Variants in NWD1 observed in about 807,000 individuals in gnomAD.
The protein encoded by NWD1 is NACHT domain- and WD repeat-containing protein 1.
Under a neutral mutation model 135.1 loss-of-function variants are expected in NWD1, and 129 were observed. The ratio of observed to expected loss-of-function variants is 0.96; its 90% CI spans 0.83 to 1.11. The LOEUF is 1.11. NWD1 is among the 50% of genes least tolerant of loss of function. NWD1 has a pLI of 0.00. For missense variants in NWD1, 1,740 were observed against 1,851.3 expected (o/e 0.94, Z 1.10); for synonymous variants, 773 against 786.0 (o/e 0.98, Z 0.28).
At chr19:16,797,324 ATC>A (rs200667323) in intron 15 of NWD1, among the ~76,000 whole-genome samples, 5,391 of 139,764 alleles carry the variant, frequency 0.039, 335 homozygotes, top group African/African-American at 0.14. Context: ...GTTCCAAAAC[ATC>A]TCTTTTTTTT....
Position 16,749,121 on chromosome 19 carries a change from C to G in NWD1, c.497-18C>G. 6.4e-7 allele frequency: 1 copy of G among 1,570,398 alleles called. No homozygotes were observed. Among genetic ancestry groups the G allele is most frequent in the Non-Finnish European group, 8.7e-7 (1 of 1,155,726 alleles). ...CAATAATGACCACACTTCCTTCCCA[C>G]CTTCCCCACTTTGGCAGTCATTGAG... On this transcript the variant is annotated intron_variant, in intron 5 of 18. Coordinates refer to ENST00000524140, the MANE Select transcript of NWD1 (RefSeq NM_001007525.5).
chr19:16,764,102 C>CT (rs1969125125), intron 9 of NWD1, among the ~76,000 whole-genome samples, 157 bp downstream of exon 9: 1 of 152,140 alleles, frequency 6.6e-6, no homozygotes, highest in Non-Finnish European at 1.5e-5. Context: ...CAGGGGATGC[C>CT]TTACAGTGTC....
In NWD1 at chr19:16,779,343, G is replaced by A. The variant is rs1206656027; in HGVS notation, c.2609G>A (p.Gly870Asp). ...TGCTGTTGCCTCTGTGTGGCTGCAG[G>A]CATCACCGCCATGGCATGGGGTGTG... ...LRATLSGCHK[G>D]ITAMAWGVEE... is the part of the protein sequence containing the mutation. Residue 870 changes from glycine to aspartate, a missense_variant and splice_region_variant, in exon 12 of 19, where the codon GGC (glycine) becomes GAC (aspartate). Coordinates refer to ENST00000524140, the MANE Select transcript of NWD1 (RefSeq NM_001007525.5). The A allele has an allele frequency of 6.2e-7, 1 of 1,613,856 alleles. No individual in the cohort carries two copies. Among genetic ancestry groups the A allele is most frequent in the South Asian group, 1.1e-5 (1 of 91,072 alleles).
At chr19:16,771,306 C>T (rs541926436) in intron 10 of NWD1, among the ~76,000 whole-genome samples, 2 of 152,124 alleles carry the variant, frequency 1.3e-5, no homozygotes, top group East Asian at 3.9e-4. Context: ...AAAAATTAGC[C>T]GGGTGTGGTG....
chr19:16,787,221 C>T (rs570360367), intron 12 of NWD1, among the ~76,000 whole-genome samples: 9 of 152,026 alleles, frequency 5.9e-5, no homozygotes, highest in Non-Finnish European at 1.2e-4. Flanking sequence ...CAACCTCCTG[C>T]GCTCAAATGA....
Position 16,750,075 on chromosome 19 carries a change from C to T in NWD1, c.1433C>T (p.Thr478Ile), listed in dbSNP as rs1357540370. ...ACSGALGVLD[T>I]LQRVLLDPEA... Reference sequence around the variant, plus strand: ...TCGGGGGCACTGGGGGTTTTGGACACCTTGCAGCGGGTGCTCCTGGACCCG... The same window carrying T: ...TCGGGGGCACTGGGGGTTTTGGACATCTTGCAGCGGGTGCTCCTGGACCCG... Residue 478 changes from threonine to isoleucine, a missense_variant, in exon 6 of 19, where the codon ACC becomes ATC. Coordinates refer to ENST00000524140, the MANE Select transcript of NWD1 (RefSeq NM_001007525.5). 4.3e-6 allele frequency: 7 copies of T among 1,613,928 alleles called. No individual in the cohort carries two copies. In the African/African-American group the frequency reaches 6.7e-5, roughly 15 times the overall value.
rs747635658 is a variant in NWD1 at position 16,807,787 on chromosome 19, G to C, written c.3938G>C (p.Arg1313Pro). 6 of 1,613,848 alleles carry C rather than the reference G, an allele frequency of 3.7e-6. No homozygotes were observed. The highest frequency in any genetic ancestry group is 5.1e-6 in the Non-Finnish European group (6 of 1,179,784). The change falls in exon 18 of 19, where the codon CGC (arginine) becomes CCC (proline). Residue 1313 changes from arginine (R) to proline (P), a missense_variant. Physicochemically the swap from Arg to Pro is moderately radical, Grantham distance 103. Transcript: ENST00000524140. ...ATGTCCCTGAGCAAGTGCGAGGACC[G>C]CCTGGCCATCGCCTATGACAACATC... is the stretch of plus-strand genomic sequence containing the variant. ...NCMSLSKCEDRLAIAYDNIVL... is the reference protein window; with the variant it reads ...NCMSLSKCEDPLAIAYDNIVL...
At chr19:16,722,298 T>G (rs1209460418) in intron 1 of NWD1, among the ~76,000 whole-genome samples, 1 of 150,570 alleles carries the variant, frequency 6.6e-6, no homozygotes, top group African/African-American at 2.4e-5. Context: ...GACTTGACTT[T>G]TTTTTTTTTT....
chr19:16,754,147 G>A lies in NWD1; in HGVS notation c.1769+3736G>A, dbSNP rs181345454. On this transcript the variant is annotated intron_variant, in intron 6 of 18. Coordinates refer to ENST00000524140, the MANE Select transcript of NWD1 (RefSeq NM_001007525.5). ...CATCATCTTGACCTTTCATCCATCC[G>A]TCCATCATCTCTATCTTCCATCCAT... 2.3e-3 allele frequency among the ~76,000 whole-genome samples: 318 copies of A among 137,514 alleles called. 4 individuals are homozygous for A. The highest frequency in any genetic ancestry group is 0.011 in the Middle Eastern group (2 of 178). 90.2% of individuals were successfully genotyped at this position (137,514 alleles called of 152,430 possible). A position where few individuals can be genotyped will look rare whatever the true frequency, so the allele number is the denominator to read the frequency against.
chr19:16,783,441 C>T (rs1437587351), intron 12 of NWD1, among the ~76,000 whole-genome samples: 1 of 152,018 alleles, frequency 6.6e-6, no homozygotes, highest in Non-Finnish European at 1.5e-5. Context: ...TTGAGACCAG[C>T]CTGGCTAACA....
rs951854997 is a variant in NWD1, at chr19:16,736,741, A to C, written c.189A>C (p.Pro63=). 1.3e-6 allele frequency: 2 copies of C among 1,530,106 alleles called. No individual in the cohort carries two copies. The highest frequency in any genetic ancestry group is 1.4e-5 in the African/African-American group (1 of 73,056). The allele number at this position is 1,530,106 out of a possible 1,614,324, so 94.8% of individuals were successfully genotyped here. A position where few individuals can be genotyped will look rare whatever the true frequency, so the allele number is the denominator to read the frequency against. Residue 63 remains proline (P), a synonymous_variant, in exon 4 of 19, where the codon CCA becomes CCC. Transcript: ENST00000524140. The part of the protein sequence containing the change: ...VDRCWKTSIG[P]AFVALIGDQY... ...GGTGTTGGAAAACATCCATAGGGCC[A>C]GCTTTTGTTGTGAGTGTCTTGGGAG...
chr19:16,771,859 C>G (rs539731280), intron 10 of NWD1, among the ~76,000 whole-genome samples: 23 of 144,068 alleles, frequency 1.6e-4, no homozygotes, highest in Non-Finnish European at 1.8e-4. Context: ...TGAGAAGGAG[C>G]CTCGCTCTGT....
intron 5 of NWD1, among the ~76,000 whole-genome samples, chr19:16,745,461 G>A (rs1968271407): frequency 6.6e-6 from 1 of 151,828 alleles, no homozygotes; most frequent in South Asian, 2.1e-4. Context: ...GAGCCCAGTA[G>A]TGCCTACCTG....
intron 18 of NWD1, chr19:16,812,940 C>A: frequency 1.3e-6 from 1 of 761,096 alleles, no homozygotes; most frequent in East Asian, 2.4e-5. Flanking sequence ...GGGCCCTGCT[C>A]TGGCCACCTC....
intron 1 of NWD1, 117 bp from the exon 2 acceptor site, chr19:16,724,249 A>G (rs774355381): frequency 6.6e-6 from 1 of 152,224 alleles, no homozygotes; most frequent in Non-Finnish European, 1.5e-5. Context: ...CGCCTTGTTG[A>G]TGTTTTGTTC....
intron 13 of NWD1, among the ~76,000 whole-genome samples, chr19:16,789,851 G>A (rs543590393): frequency 1.3e-5 from 2 of 151,736 alleles, no homozygotes; most frequent in South Asian, 4.2e-4. Flanking sequence ...CTGAATAGCT[G>A]GGACTACAGG....
intron 16 of NWD1, 87 bp downstream of exon 16, chr19:16,797,973 G>A: frequency 7.5e-7 from 1 of 1,338,288 alleles, no homozygotes; most frequent in Non-Finnish European, 1.0e-6. Context: ...GCAAAATACA[G>A]ACACCCACAA....
intron 15 of NWD1, among the ~76,000 whole-genome samples, chr19:16,795,469 T>G (rs1167889991): frequency 6.6e-6 from 1 of 150,472 alleles, no homozygotes; most frequent in Non-Finnish European, 1.5e-5. Flanking sequence ...TAGGCTGTAG[T>G]GCAGTGGTAT....
intron 14 of NWD1, among the ~76,000 whole-genome samples, chr19:16,793,507 T>A (rs1970317869): frequency 6.6e-6 from 1 of 152,066 alleles, no homozygotes; most frequent in Non-Finnish European, 1.5e-5. Context: ...ATTACAGGCG[T>A]GACCCACTGT....
Sources: allele counts gnomAD v4.1 joint callset (sites outside exome capture counted in the v4.1 genomes callset), GRCh38; gene constraint gnomAD v4.1.1; transcripts MANE v1.5; gene names NCBI Gene and HGNC (gene_info 2026-07-23, HGNC 2026-07-21).